The following DNAH5 variants were observed in gnomAD, a reference collection of about 807,000 sequenced individuals.
DNAH5 encodes the protein axonemal beta dynein heavy chain 5.
In DNAH5, 372 loss-of-function variants were observed where a neutral mutation model predicts 518.2. The observed-to-expected ratio is 0.72, with a 90% CI of 0.66 to 0.78. The LOEUF (loss-of-function observed/expected upper bound fraction) is 0.78. Among genes scored for constraint, DNAH5 ranks in the 30% least tolerant of loss-of-function variants. The pLI is 0.00. For synonymous variants in DNAH5, 2,039 were observed against 2,025.9 expected, an observed-to-expected ratio of 1.01 and a Z score of -0.17; for missense variants, 5,523 against 5,687.0, an observed-to-expected ratio of 0.97 and a Z score of 0.93.
chr5:13,718,994 C>A lies in DNAH5; in HGVS notation c.12387G>T (p.Trp4129Cys). Reference sequence around the variant, plus strand: ...ACTGCTTATGAGCCTCGGTGGTCATCCAGAGGCGGAACGCATCATGTACAA... The same window carrying A: ...ACTGCTTATGAGCCTCGGTGGTCATACAGAGGCGGAACGCATCATGTACAA... ...TELVHDAFRL[W>C]MTTEAHKQFP... is the part of the protein sequence containing the mutation. The change falls in exon 72 of 79, where the codon TGG becomes TGT. Residue 4129 changes from tryptophan to cysteine, a missense_variant. Around this residue, in one of 3 missense-constraint regions of DNAH5, gnomAD observed 5,121 missense variants for 5,223.3 expected, o/e 0.98. Transcript: ENST00000265104. 1 of 1,613,928 alleles carries A rather than the reference C, an allele frequency of 6.2e-7. No homozygotes were observed. Among genetic ancestry groups the A allele is most frequent in the Non-Finnish European group, 8.5e-7 (1 of 1,179,898 alleles).
chr5:13,923,237 G>GT (rs772098518), intron 4 of DNAH5, 43 bp downstream of exon 4: 3 of 1,611,060 alleles, frequency 1.9e-6, no homozygotes, highest in Admixed American at 3.3e-5. Context: ...CAAGTTGTGT[G>GT]TTTTTTGGTA....
intron 51 of DNAH5, among the ~76,000 whole-genome samples, chr5:13,786,598 A>T (rs1038945167): frequency 6.6e-6 from 1 of 152,234 alleles, no homozygotes; most frequent in African/African-American, 2.4e-5. Context: ...TCGTCATTGA[A>T]TTGAATTTGA....
chr5:13,927,523 T>C (rs1157588295), intron 3 of DNAH5, among the ~76,000 whole-genome samples: 5 of 151,706 alleles, frequency 3.3e-5, no homozygotes, highest in Non-Finnish European at 7.4e-5. Flanking sequence ...ATAATAATAA[T>C]AAATAACAAC....
intron 78 of DNAH5, among the ~76,000 whole-genome samples, chr5:13,694,344 A>G (rs1741081738): frequency 6.6e-6 from 1 of 152,264 alleles, no homozygotes; most frequent in Non-Finnish European, 1.5e-5. Context: ...CGGCAGGATT[A>G]GAAGCCACTG....
At chr5:13,692,716 G>T (rs933490834) in intron 78 of DNAH5, among the ~76,000 whole-genome samples, 2 of 152,160 alleles carry the variant, frequency 1.3e-5, no homozygotes, top group African/African-American at 4.8e-5. Context: ...CTGAGACTCA[G>T]TCTACCTTTC....
chr5:13,958,011 T>C (rs1252819502), intron 1 of DNAH5, among the ~76,000 whole-genome samples: 1 of 151,866 alleles, frequency 6.6e-6, no homozygotes. Flanking sequence ...TTAAAATGTA[T>C]CATGTACACA....
Position 13,700,622 on chromosome 5 carries a change from A to C in DNAH5, c.13723+18T>G. ...AACGAACAATGCGAGCCCTTACTGA[A>C]GGTACAAGACAACTTACTATTGTTT... On this transcript the variant is annotated intron_variant, in intron 78 of 78. Transcript: ENST00000265104. 6.2e-7 allele frequency: 1 copy of C among 1,603,856 alleles called. No individual in the cohort carries two copies. The highest frequency in any genetic ancestry group is 1.3e-5 in the African/African-American group (1 of 74,864).
At chr5:13,862,793 T>G (rs200690207) in intron 28 of DNAH5, 46 bp from the exon 29 acceptor site, 2 of 1,527,282 alleles carry the variant, frequency 1.3e-6, no homozygotes, top group East Asian at 4.5e-5. Flanking sequence ...AAGTCACACG[T>G]CCTTCCTTAA....
At chr5:13,885,270 T>G (rs113911583) in intron 18 of DNAH5, 42 bp from the exon 19 acceptor site, 1 of 1,605,162 alleles carries the variant, frequency 6.2e-7, no homozygotes, top group Admixed American at 1.7e-5. Flanking sequence ...ATAAGTTAGA[T>G]GGATGGATGG....
intron 1 of DNAH5, among the ~76,000 whole-genome samples, chr5:14,009,882 CA>C (rs1259881176): frequency 6.6e-6 from 1 of 152,098 alleles, no homozygotes; most frequent in Non-Finnish European, 1.5e-5. Flanking sequence ...GAATGTTGTG[CA>C]AACATTTTTG....
At chr5:14,011,693 A>G (rs1785145813) in exon 1 of DNAH5, among the ~76,000 whole-genome samples, 1 of 152,110 alleles carries the variant, frequency 6.6e-6, no homozygotes, top group South Asian at 2.1e-4. Flanking sequence ...TGGGACTCGT[A>G]GCGCTCCCCC....
rs1297875739 is a variant in DNAH5 at position 13,780,822 on chromosome 5, T to C, written c.8951+7A>G. The C allele has an allele frequency of 3.7e-6, 6 of 1,613,380 alleles. No individual in the cohort carries two copies. The highest frequency in any genetic ancestry group is 1.1e-5 in the South Asian group (1 of 91,062). On this transcript the variant is annotated splice_region_variant and intron_variant, in intron 53 of 78. Transcript: ENST00000265104. ...ATGTTAGGTTTGTTAAAGTAAAAGG[T>C]TGTCACCTCGTCAGAGTGATCTGGA... is the stretch of plus-strand genomic sequence containing the variant.
intron 15 of DNAH5, chr5:13,899,976 T>C (rs1774364595): frequency 1.8e-6 from 1 of 550,200 alleles, no homozygotes; most frequent in Non-Finnish European, 3.2e-6. Flanking sequence ...AATCCTCCAA[T>C]GGTTTCCTGG....
At chr5:13,976,724 T>TAC (rs375620037) in intron 1 of DNAH5, among the ~76,000 whole-genome samples, 13,124 of 109,584 alleles carry the variant, frequency 0.12, 1,116 homozygotes, top group African/African-American at 0.28. Flanking sequence ...CACACACACA[T>TAC]ACACACACAC....
Position 13,695,398 on chromosome 5 carries a change from C to T in DNAH5, c.13724-3263G>A, listed in dbSNP as rs370796582. On this transcript the variant is annotated intron_variant, in intron 78 of 78. Coordinates refer to ENST00000265104, the MANE Select transcript of DNAH5 (RefSeq NM_001369.3). The stretch of plus-strand genomic sequence containing the variant: ...TGCCTACAGTCTACCTTAGCAGGTA[C>T]CTGAGAAAAATTAACTCAGGACTTC... 1.7e-3 allele frequency among the ~76,000 whole-genome samples: 260 copies of T among 152,238 alleles called. 6 individuals carry two copies. In the South Asian group the frequency reaches 0.052, roughly 30 times the overall value.
In DNAH5 at chr5:13,701,480, A is replaced by C. The variant is rs1415981555; in HGVS notation, c.13339-44T>G. The stretch of plus-strand genomic sequence containing the variant: ...AACAATTAATTGATGTAAGTTTAAT[A>C]CTGCAGTGTAAACCAGCTATGTTCA... On this transcript the variant is annotated intron_variant, in intron 76 of 78. Coordinates refer to ENST00000265104, the MANE Select transcript of DNAH5 (RefSeq NM_001369.3). 1.0e-5 allele frequency: 16 copies of C among 1,529,976 alleles called. No individual in the cohort carries two copies. In the African/African-American group the frequency reaches 2.1e-4, roughly 20 times the overall value. The allele number at this position is 1,529,976 out of a possible 1,614,324, so 94.8% of individuals were successfully genotyped here.
At chr5:13,703,886 C>T (rs562177338) in intron 76 of DNAH5, among the ~76,000 whole-genome samples, 19 of 152,316 alleles carry the variant, frequency 1.2e-4, no homozygotes, top group African/African-American at 4.1e-4. Context: ...GGCTCTAGTT[C>T]TGATCTACAG....
rs1177627733 is a variant in DNAH5 at position 13,928,194 on chromosome 5, A to G, written c.193-16T>C. The G allele has an allele frequency of 6.3e-7, 1 of 1,596,118 alleles. No homozygotes were observed. Among genetic ancestry groups the G allele is most frequent in the Admixed American group, 1.7e-5 (1 of 59,986 alleles). ...TTCTTTCAATCTGGGAAAAAGAAAA[A>G]GGCAAGATAATGATTTTCAATCCAA... On this transcript the variant is annotated splice_polypyrimidine_tract_variant and intron_variant, in intron 2 of 78. Transcript: ENST00000265104.
chr5:13,786,610 C>A (rs1259378328), intron 51 of DNAH5, among the ~76,000 whole-genome samples: 1 of 152,128 alleles, frequency 6.6e-6, no homozygotes, highest in Non-Finnish European at 1.5e-5. Flanking sequence ...TGAATTTGAA[C>A]CCACAACTGA....
Sources: gnomAD v4.1 joint callset for allele counts (sites outside exome capture counted in the v4.1 genomes callset) on GRCh38, gnomAD v4.1.1 for gene constraint, gnomAD v4.1.1 regional missense constraint, MANE v1.5 for transcripts, NCBI Gene and HGNC (gene_info 2026-07-23, HGNC 2026-07-21) for gene names.